Variants in AMBP observed in about 807,000 individuals in gnomAD.
The protein encoded by AMBP is alpha-1-microglobulin/bikunin precursor.
Under a neutral mutation model 46.3 loss-of-function variants are expected in AMBP, and 37 were observed. The observed-to-expected ratio is 0.80, with a 90% CI of 0.61 to 1.05. The LOEUF (loss-of-function observed/expected upper bound fraction) is 1.05. Among genes scored for constraint, AMBP ranks in the 50% least tolerant of loss-of-function variants. The pLI is 0.00. For synonymous variants in AMBP, 174 were observed against 175.9 expected, an observed-to-expected ratio of 0.99 and a Z score of 0.09; for missense variants, 475 against 461.2, an observed-to-expected ratio of 1.03 and a Z score of -0.27.
chr9:114,077,733 G>T, intron 1 of AMBP: 1 of 229,580 alleles, frequency 4.4e-6, no homozygotes. Flanking sequence ...CAGAGAGAGG[G>T]GAGTCATTAG....
chr9:114,077,946 G>C (rs1026818169), intron 1 of AMBP, 147 bp downstream of exon 1: 21 of 793,676 alleles, frequency 2.6e-5, no homozygotes, highest in Non-Finnish European at 4.3e-5. Flanking sequence ...GCAGGGGATA[G>C]AGCTGTACCT....
chr9:114,068,721 G>T (rs1380189200), intron 6 of AMBP, among the ~76,000 whole-genome samples: 1 of 141,464 alleles, frequency 7.1e-6, no homozygotes, highest in African/African-American at 2.6e-5. Context: ...TCATCCATTT[G>T]TCCTTTTTTC....
chr9:114,076,566 T>C (rs756359403), intron 2 of AMBP, 32 bp downstream of exon 2: 4 of 1,608,878 alleles, frequency 2.5e-6, no homozygotes, highest in Non-Finnish European at 2.5e-6. Flanking sequence ...TCTGGGTCTC[T>C]CTCAGCTTTC....
In AMBP at chr9:114,078,135, C is replaced by A; in HGVS notation, c.75G>T (p.Pro25=). The change falls in exon 1 of 10, where the codon CCG becomes CCT. Residue 25 remains proline, a synonymous_variant. Coordinates refer to ENST00000265132, the MANE Select transcript of AMBP (RefSeq NM_001633.4). ...LAVSAGPVPT[P]PDNIQVQENF... ...TTTCCTGCACTTGGATGTTGTCGGG[C>A]GGCGTTGGCACAGGGCCAGCGCTCA... 1.2e-6 allele frequency: 2 copies of A among 1,613,844 alleles called. No homozygotes were observed. Among genetic ancestry groups the A allele is most frequent in the Non-Finnish European group, 1.7e-6 (2 of 1,180,040 alleles).
intron 6 of AMBP, among the ~76,000 whole-genome samples, chr9:114,068,857 T>C (rs1164611468): frequency 6.6e-6 from 1 of 151,102 alleles, no homozygotes. Flanking sequence ...TATACTTTTC[T>C]GTGTTCCTCT....
At chr9:114,070,655 G>A (rs1375278573) in intron 5 of AMBP, among the ~76,000 whole-genome samples, 3 of 151,674 alleles carry the variant, frequency 2.0e-5, no homozygotes, top group African/African-American at 4.8e-5. Flanking sequence ...GGCCTGGGGC[G>A]TGGAGCTGGG....
At chr9:114,061,379 G>A (rs370496541) in intron 8 of AMBP, 45 bp downstream of exon 8, 70 of 1,612,090 alleles carry the variant, frequency 4.3e-5, no homozygotes, top group Non-Finnish European at 5.6e-5. Context: ...GGAGGGACAG[G>A]GTCTTGAGGG....
At chr9:114,062,066 C>T (rs1232638050) in intron 7 of AMBP, among the ~76,000 whole-genome samples, 1 of 152,186 alleles carries the variant, frequency 6.6e-6, no homozygotes, top group Non-Finnish European at 1.5e-5. Context: ...TGAAGTCCTC[C>T]TGATCCCCTC....
chr9:114,075,949 G>A (rs1846802590), intron 2 of AMBP, among the ~76,000 whole-genome samples: 1 of 152,120 alleles, frequency 6.6e-6, no homozygotes, highest in African/African-American at 2.4e-5. Context: ...CACGTGAGTA[G>A]GACTCAGAGT....
chr9:114,062,609 G>A, intron 7 of AMBP, 68 bp downstream of exon 7: 1 of 1,508,558 alleles, frequency 6.6e-7, no homozygotes, highest in Non-Finnish European at 9.2e-7. Context: ...AGTAGCCAGG[G>A]TGAGCCAACT....
chr9:114,069,767 A>T (rs780322286), intron 5 of AMBP, 22 bp from the exon 6 acceptor site: 2 of 1,613,930 alleles, frequency 1.2e-6, no homozygotes, highest in East Asian at 4.5e-5. Context: ...AGCAGGAGAG[A>T]GGAGTGAATA....
At chr9:114,067,003 C>T (rs951811082) in intron 6 of AMBP, among the ~76,000 whole-genome samples, 10 of 152,078 alleles carry the variant, frequency 6.6e-5, no homozygotes, top group Admixed American at 5.2e-4. Flanking sequence ...TGCAATGGCG[C>T]GATCACGGCT....
intron 6 of AMBP, among the ~76,000 whole-genome samples, chr9:114,068,301 C>CA (rs200569648): frequency 0.031 from 4,671 of 148,632 alleles, 186 homozygotes; most frequent in African/African-American, 0.098. Flanking sequence ...TTTCTTTAAA[C>CA]AAAAAAAAAA....
At chr9:114,078,032 G>A in intron 1 of AMBP, 61 bp downstream of exon 1, 1 of 1,545,146 alleles carries the variant, frequency 6.5e-7, no homozygotes, top group East Asian at 2.3e-5. Flanking sequence ...GCCCAGCAGG[G>A]CCCATCTGCC....
chr9:114,078,295 T>C lies in AMBP; in HGVS notation c.-86A>G. On this transcript the variant is annotated 5_prime_UTR_variant, in exon 1 of 10. Transcript: ENST00000265132. ...CCGCCTCCCTGCAACAGGGCAGCTG[T>C]GAACTGAGGCTGGGGAAGGGGCCTG... 1 of 1,325,158 alleles carries C rather than the reference T, an allele frequency of 7.5e-7. No individual in the cohort carries two copies. Among genetic ancestry groups the C allele is most frequent in the Non-Finnish European group, 1.1e-6 (1 of 939,394 alleles). 82.1% of individuals were successfully genotyped at this position (1,325,158 alleles called of 1,614,324 possible).
At position 114,078,129 on chromosome 9, in the gene AMBP, G is replaced by A. The variant is rs1846834278; in HGVS notation, c.81C>T (p.Asp27=). 6.2e-7 allele frequency: 1 copy of A among 1,613,772 alleles called. No homozygotes were observed. The highest frequency in any genetic ancestry group is 1.3e-5 in the African/African-American group (1 of 74,940). Residue 27 remains aspartate (D), a synonymous_variant, in exon 1 of 10, where the codon GAC becomes GAT. Transcript: ENST00000265132. ...VSAGPVPTPP[D]NIQVQENFNI... ...TGAAGTTTTCCTGCACTTGGATGTTGTCGGGCGGCGTTGGCACAGGGCCAG... is the reference window on the plus strand; with the variant it reads ...TGAAGTTTTCCTGCACTTGGATGTTATCGGGCGGCGTTGGCACAGGGCCAG...
At chr9:114,074,009 T>C (rs542427225) in intron 4 of AMBP, 27 bp downstream of exon 4, 5 of 1,592,724 alleles carry the variant, frequency 3.1e-6, no homozygotes, top group Admixed American at 3.3e-5. Context: ...TTAACTCCAA[T>C]GGGCACATCT....
intron 9 of AMBP, 21 bp downstream of exon 9, chr9:114,060,904 G>C (rs771460219): frequency 9.3e-6 from 15 of 1,607,736 alleles, no homozygotes; most frequent in Non-Finnish European, 1.3e-5. Flanking sequence ...GCCCAGCCTG[G>C]CACCCTGCAG....
chr9:114,062,890 T>A (rs1362663419), intron 6 of AMBP, 132 bp from the exon 7 acceptor site: 1 of 818,028 alleles, frequency 1.2e-6, no homozygotes, highest in African/African-American at 1.7e-5. Context: ...CTTAGACTGG[T>A]TAAAGGAGAC....
Sources: gnomAD v4.1 joint callset for allele counts (sites outside exome capture counted in the v4.1 genomes callset) on GRCh38, gnomAD v4.1.1 for gene constraint, MANE v1.5 for transcripts, NCBI Gene and HGNC (gene_info 2026-07-23, HGNC 2026-07-21) for gene names.